Variants in NEK10 observed in about 807,000 individuals in gnomAD.
The protein encoded by NEK10 is serine/threonine-protein kinase Nek10.
In NEK10, 122 loss-of-function variants were observed where a neutral mutation model predicts 159.8. That is an observed-to-expected ratio of 0.76 (90% confidence interval 0.66 to 0.89). The LOEUF (loss-of-function observed/expected upper bound fraction) is 0.89. NEK10 is among the 40% of genes least tolerant of loss of function. The pLI, the probability that NEK10 is intolerant of heterozygous loss-of-function variation, is 0.00. For synonymous variants in NEK10, 466 were observed against 457.1 expected (o/e 1.02, Z -0.25); for missense variants, 1,342 against 1,323.1 (o/e 1.01, Z -0.22).
At chr3:27,191,726 T>G (rs913258601) in intron 26 of NEK10, among the ~76,000 whole-genome samples, 1 of 152,230 alleles carries the variant, frequency 6.6e-6, no homozygotes, top group Non-Finnish European at 1.5e-5. Context: ...CTGAAGAAAT[T>G]AAATATAAGC....
chr3:27,176,518 C>T (rs1380453979), intron 26 of NEK10, among the ~76,000 whole-genome samples: 2 of 152,164 alleles, frequency 1.3e-5, no homozygotes, highest in African/African-American at 4.8e-5. Context: ...CACACTCAAC[C>T]CCTGATACCA....
intron 23 of NEK10, among the ~76,000 whole-genome samples, chr3:27,207,655 A>G (rs1270111328): frequency 1.3e-5 from 2 of 152,198 alleles, no homozygotes; most frequent in Non-Finnish European, 2.9e-5. Context: ...GGATTTCTGC[A>G]TCCCACTGCA....
chr3:27,294,238 T>G (rs1299076674), intron 15 of NEK10, among the ~76,000 whole-genome samples: 1 of 152,226 alleles, frequency 6.6e-6, no homozygotes. Flanking sequence ...TCTGACATTT[T>G]GCAGTACTGA....
intron 22 of NEK10, 98 bp downstream of exon 22, chr3:27,284,504 A>C: frequency 1.4e-6 from 1 of 709,558 alleles, no homozygotes; most frequent in Non-Finnish European, 2.5e-6. Flanking sequence ...ATAGACAAAG[A>C]ACATTCCCAT....
At chr3:27,118,513 C>G (rs1344824263) in intron 33 of NEK10, among the ~76,000 whole-genome samples, 2 of 152,218 alleles carry the variant, frequency 1.3e-5, no homozygotes, top group Admixed American at 6.5e-5. Flanking sequence ...TCTTTAAAGG[C>G]ATACCCCACA....
chr3:27,147,668 CT>C (rs952209171), intron 30 of NEK10, among the ~76,000 whole-genome samples: 1 of 151,836 alleles, frequency 6.6e-6, no homozygotes, highest in Non-Finnish European at 1.5e-5. Flanking sequence ...GTATATTTAA[CT>C]AACAATCTAC....
intron 23 of NEK10, among the ~76,000 whole-genome samples, chr3:27,250,663 T>C (rs929914646): frequency 7.2e-5 from 11 of 152,188 alleles, no homozygotes; most frequent in Admixed American, 1.3e-4. Context: ...TCCTTCATGT[T>C]TGAAGGATAT....
chr3:27,210,356 AT>A (rs1950899328), intron 23 of NEK10, among the ~76,000 whole-genome samples: 1 of 152,116 alleles, frequency 6.6e-6, no homozygotes, highest in Non-Finnish European at 1.5e-5. Context: ...TAACTCATGA[AT>A]TCCTTAATCC....
intron 1 of NEK10, among the ~76,000 whole-genome samples, chr3:27,367,212 G>A (rs1375838107): frequency 1.1e-4 from 17 of 152,158 alleles, no homozygotes; most frequent in Non-Finnish European, 5.9e-5. Flanking sequence ...TATGAGCTAG[G>A]TGCTATTATA....
chr3:27,199,211 C>T (rs1250896623), intron 25 of NEK10, among the ~76,000 whole-genome samples: 1 of 152,092 alleles, frequency 6.6e-6, no homozygotes, highest in Non-Finnish European at 1.5e-5. Context: ...GCAAACTATG[C>T]ACCTGACAAA....
intron 5 of NEK10, among the ~76,000 whole-genome samples, chr3:27,330,195 G>T (rs2046301898): frequency 6.6e-6 from 1 of 152,070 alleles, no homozygotes; most frequent in Admixed American, 6.6e-5. Flanking sequence ...AAATACCCTA[G>T]ATAATATTGC....
At chr3:27,346,914 A>G (rs1190753224) in intron 3 of NEK10, among the ~76,000 whole-genome samples, 22 of 152,240 alleles carry the variant, frequency 1.4e-4, no homozygotes, top group Non-Finnish European at 1.3e-4. Context: ...TTGCAATAAT[A>G]AATTGTCAGG....
rs1948630805 is a variant in NEK10, at chr3:27,186,442, T to A, written c.2505+5587A>T. Among the ~76,000 whole-genome samples the A allele has an allele frequency of 2.0e-5, 3 of 152,326 alleles. No homozygotes were observed. In the South Asian group the frequency reaches 6.2e-4, roughly 32 times the overall value. On this transcript the variant is annotated intron_variant, in intron 26 of 35. Coordinates refer to ENST00000691995, the MANE Select transcript of NEK10 (RefSeq NM_001394966.1). ...TCTTCTGGAGCTCAAAATAAGAGCC[T>A]GCCAGAAGGAAGAGAAAATGAAAGA...
intron 5 of NEK10, among the ~76,000 whole-genome samples, chr3:27,339,793 A>C (rs1260184353): frequency 6.6e-6 from 1 of 151,960 alleles, no homozygotes; most frequent in Admixed American, 6.6e-5. Context: ...AAAAAAAAAA[A>C]AAACCCACAA....
chr3:27,254,068 T>C (rs1260023704), intron 23 of NEK10, among the ~76,000 whole-genome samples: 4 of 152,076 alleles, frequency 2.6e-5, no homozygotes, highest in African/African-American at 4.8e-5. Flanking sequence ...TCTCATCCGG[T>C]GCGCAGGGCA....
intron 1 of NEK10, among the ~76,000 whole-genome samples, chr3:27,364,351 TGTGTGTGTGTG>T (rs1559568492): frequency 6.4e-3 from 3 of 470 alleles, no homozygotes; most frequent in African/African-American, 0.027. Flanking sequence ...TGGCTAATTG[TGTGTGTGTGTG>T]TGTGTGTGTG....
chr3:27,206,524 C>T, intron 23 of NEK10: 1 of 912,046 alleles, frequency 1.1e-6, no homozygotes, highest in Non-Finnish European at 1.3e-6. Context: ...AATGACCCTT[C>T]AGTGGCTTCC....
At chr3:27,126,699 C>A (rs989249728) in intron 32 of NEK10, among the ~76,000 whole-genome samples, 1 of 152,012 alleles carries the variant, frequency 6.6e-6, no homozygotes, top group Admixed American at 6.6e-5. Flanking sequence ...ATGTGAGAAA[C>A]CCTGATCCTA....
At chr3:27,182,231 G>A (rs970396734) in intron 26 of NEK10, among the ~76,000 whole-genome samples, 1 of 152,082 alleles carries the variant, frequency 6.6e-6, no homozygotes, top group African/African-American at 2.4e-5. Context: ...GTGTGGTAAT[G>A]CATATGTTAT....
Sources: allele counts gnomAD v4.1 joint callset (sites outside exome capture counted in the v4.1 genomes callset), GRCh38; gene constraint gnomAD v4.1.1; transcripts MANE v1.5; gene names NCBI Gene and HGNC (gene_info 2026-07-23, HGNC 2026-07-21).